Variants in ANKRD44 observed in about 807,000 individuals in gnomAD.
ANKRD44 encodes serine/threonine-protein phosphatase 6 regulatory ankyrin repeat subunit B.
In ANKRD44, 35 loss-of-function variants were observed where a neutral mutation model predicts 116.0. The observed-to-expected ratio is 0.30, with a 90% confidence interval of 0.23 to 0.40. ANKRD44 has a LOEUF of 0.40. Among genes scored for constraint, ANKRD44 ranks in the 10% least tolerant of loss-of-function variants. The probability of loss-of-function intolerance (pLI) is 1.00; values close to 1 mark genes in which losing one functional copy is unlikely to be tolerated. For synonymous variants in ANKRD44, 435 were observed against 461.8 expected, an observed-to-expected ratio of 0.94 and a Z score of 0.74; for missense variants, 1,014 against 1,242.6, an observed-to-expected ratio of 0.82 and a Z score of 2.77.
At chr2:197,163,882 C>T (rs2080032564) in intron 2 of ANKRD44, among the ~76,000 whole-genome samples, 1 of 152,200 alleles carries the variant, frequency 6.6e-6, no homozygotes, top group Admixed American at 6.5e-5. Context: ...CCCGCCTCGG[C>T]CCTCCAAAGT....
At chr2:197,107,958 T>C (rs931387283) in intron 9 of ANKRD44, among the ~76,000 whole-genome samples, 2 of 152,238 alleles carry the variant, frequency 1.3e-5, no homozygotes, top group Non-Finnish European at 2.9e-5. Flanking sequence ...ACATGTGTTA[T>C]GAATGCAAAA....
Position 197,005,537 on chromosome 2 carries a change from TA to T in ANKRD44, c.2347+156del, listed in dbSNP as rs1171810222. On this transcript the variant is annotated intron_variant, in intron 21 of 27. Coordinates refer to ENST00000282272, the MANE Select transcript of ANKRD44 (RefSeq NM_001195144.2). ...GCAGCTGTGGAGGGGTGAGAACTAT[TA>T]AAAAAACAAACAAAATACACAAAAA... Among the ~76,000 whole-genome samples the T allele has an allele frequency of 3.3e-5, 5 of 152,160 alleles. No homozygotes were observed. The East Asian group carries it at 9.6e-4, about 29-fold the overall frequency.
chr2:197,187,032 C>T lies in ANKRD44; in HGVS notation c.102G>A (p.Val34=). The T allele has an allele frequency of 6.2e-7, 1 of 1,614,054 alleles. No individual in the cohort carries two copies. The highest frequency in any genetic ancestry group is 8.5e-7 in the Non-Finnish European group (1 of 1,180,000). Reference sequence around the variant, plus strand: ...CCACAGTATCTCTTACCAGAGTATTCACATCTTCAGTTTTATGGATGAGCA... The same window carrying T: ...CCACAGTATCTCTTACCAGAGTATTTACATCTTCAGTTTTATGGATGAGCA... ...IRMLIHKTED[V]NTLDSEKRTP... is the part of the protein sequence containing the mutation. Residue 34 remains valine (V), a synonymous_variant, in exon 2 of 28, where the codon GTG becomes GTA. Coordinates refer to ENST00000282272, the MANE Select transcript of ANKRD44 (RefSeq NM_001195144.2).
At chr2:197,100,333 G>A (rs552941642) in intron 9 of ANKRD44, among the ~76,000 whole-genome samples, 4 of 152,154 alleles carry the variant, frequency 2.6e-5, no homozygotes, top group Admixed American at 6.5e-5. Context: ...TACTCAGGAG[G>A]CTGAGGCAGG....
Position 197,000,468 on chromosome 2 carries a change from G to A in ANKRD44, c.2470C>T (p.Leu824Phe), listed in dbSNP as rs765212400. Reference protein sequence around the residue: ...NDHGNCASLLLGAIDSSIVSC... With the variant: ...NDHGNCASLLFGAIDSSIVSC... ...ACGATACTGGAATCTATGGCCCCAA[G>A]CAGCAATGATGCACAATTCCCATGA... The change falls in exon 23 of 28, where the codon CTT becomes TTT. Residue 824 changes from leucine (L) to phenylalanine (F), a missense_variant. Physicochemically the swap from Leu to Phe is conservative, Grantham distance 22. Transcript: ENST00000282272. 58 of 1,613,970 alleles carry A rather than the reference G, an allele frequency of 3.6e-5. No homozygotes were observed. The highest frequency in any genetic ancestry group is 7.6e-6 in the Non-Finnish European group (9 of 1,179,996).
intron 17 of ANKRD44, among the ~76,000 whole-genome samples, chr2:197,020,758 T>C (rs188794593): frequency 7.2e-4 from 110 of 152,204 alleles, no homozygotes; most frequent in Non-Finnish European, 1.2e-3. Context: ...AAAGCCTTAT[T>C]AGGTAACAAT....
At chr2:197,107,974 G>A (rs769234903) in intron 9 of ANKRD44, among the ~76,000 whole-genome samples, 17 of 152,246 alleles carry the variant, frequency 1.1e-4, no homozygotes, top group Non-Finnish European at 2.4e-4. Flanking sequence ...CAAAAAAATT[G>A]TCAGTTGAGA....
At chr2:196,976,819 G>A (rs2075764252) in intron 21 of ANKRD44, among the ~76,000 whole-genome samples, 1 of 151,514 alleles carries the variant, frequency 6.6e-6, no homozygotes, top group African/African-American at 2.4e-5. Flanking sequence ...AGTGAGCCAT[G>A]ATCATGCCAC....
At chr2:197,181,222 A>AG (rs2080496568) in intron 2 of ANKRD44, among the ~76,000 whole-genome samples, 1 of 152,198 alleles carries the variant, frequency 6.6e-6, no homozygotes, top group Admixed American at 6.5e-5. Context: ...CAGCTTTACA[A>AG]AAAAAATTTT....
intron 3 of ANKRD44, among the ~76,000 whole-genome samples, chr2:197,137,081 A>G (rs547399032): frequency 3.2e-4 from 49 of 152,290 alleles, no homozygotes; most frequent in African/African-American, 1.1e-3. Flanking sequence ...ATGAATTCAC[A>G]GGAAGCAGAG....
At chr2:197,243,169 C>A (rs1231362283) in intron 1 of ANKRD44, among the ~76,000 whole-genome samples, 1 of 152,068 alleles carries the variant, frequency 6.6e-6, no homozygotes, top group Non-Finnish European at 1.5e-5. Context: ...TGAATCAAAT[C>A]AAAACAAAAC....
At position 197,087,674 on chromosome 2, in the gene ANKRD44, T is replaced by C. The variant is rs1031907799; in HGVS notation, c.1248-926A>G. ...ATAGCCACCTTCTCAGAGAAATAGC[T>C]CTTTCAATCATAACATGTAAGAACT... On this transcript the variant is annotated intron_variant, in intron 12 of 27. Coordinates refer to ENST00000282272, the MANE Select transcript of ANKRD44 (RefSeq NM_001195144.2). Among the ~76,000 whole-genome samples, 7 of 152,268 alleles carry C rather than the reference T, an allele frequency of 4.6e-5. No homozygotes were observed. The South Asian group carries it at 1.2e-3, about 27-fold the overall frequency.
chr2:197,168,358 TTA>T (rs2080147232), intron 2 of ANKRD44, among the ~76,000 whole-genome samples: 1 of 152,244 alleles, frequency 6.6e-6, no homozygotes, highest in Non-Finnish European at 1.5e-5. Context: ...GCTCTCTGAA[TTA>T]TTATAGAAAG....
At chr2:196,991,583 A>G (rs960054368) in intron 27 of ANKRD44, among the ~76,000 whole-genome samples, 1 of 152,084 alleles carries the variant, frequency 6.6e-6, no homozygotes, top group Non-Finnish European at 1.5e-5. Context: ...GGAGAAATTT[A>G]ACAAATTTTT....
At chr2:197,307,402 T>C (rs2084102981) in intron 1 of ANKRD44, among the ~76,000 whole-genome samples, 1 of 152,128 alleles carries the variant, frequency 6.6e-6, no homozygotes, top group Non-Finnish European at 1.5e-5. Flanking sequence ...ACCAGGATGG[T>C]TAGTGCCCCC....
At chr2:197,068,387 T>TA (rs768350471) in intron 16 of ANKRD44, among the ~76,000 whole-genome samples, 15,648 of 66,776 alleles carry the variant, frequency 0.23, 998 homozygotes, top group East Asian at 0.39. Context: ...AAGAAAAAAA[T>TA]AAAAAAAAAA....
Position 196,979,110 on chromosome 2 carries a change from G to A in ANKRD44, c.2369-11664C>T, listed in dbSNP as rs114682712. 9.3e-3 allele frequency among the ~76,000 whole-genome samples: 1,408 copies of A among 152,094 alleles called. 25 individuals carry two copies. The highest frequency in any genetic ancestry group is 0.032 in the African/African-American group (1,338 of 41,522). On this transcript the variant is annotated intron_variant, in intron 21 of 21. Transcript: ENST00000424317. Reference sequence around the variant, plus strand: ...GTAGATGTAAGAATGAATAGCATCTGCAGGCGCCAGGCACGGTGGCTCACG... The same window carrying A: ...GTAGATGTAAGAATGAATAGCATCTACAGGCGCCAGGCACGGTGGCTCACG...
chr2:197,120,830 G>T (rs1448621618), intron 8 of ANKRD44, among the ~76,000 whole-genome samples: 1 of 152,004 alleles, frequency 6.6e-6, no homozygotes, highest in African/African-American at 2.4e-5. Flanking sequence ...TAGAGATCCA[G>T]TATTTGTCCT....
chr2:197,293,670 A>G (rs2083634278), intron 1 of ANKRD44, among the ~76,000 whole-genome samples: 2 of 152,214 alleles, frequency 1.3e-5, no homozygotes, highest in Admixed American at 6.5e-5. Flanking sequence ...ACCAGTCACA[A>G]GTGTTTTCAA....
Sources: gnomAD v4.1 joint callset for allele counts (sites outside exome capture counted in the v4.1 genomes callset) on GRCh38, gnomAD v4.1.1 for gene constraint, MANE v1.5 for transcripts, NCBI Gene and HGNC (gene_info 2026-07-23, HGNC 2026-07-21) for gene names.